Variants in STEAP2 observed in about 807,000 individuals in gnomAD.
STEAP2 encodes metalloreductase STEAP2.
Under a neutral mutation model 46.4 loss-of-function variants are expected in STEAP2, and 30 were observed. That is an observed-to-expected ratio of 0.65 (90% CI 0.48 to 0.88). STEAP2 has a LOEUF of 0.88. Ranked by LOEUF, STEAP2 falls within the 40% of genes least tolerant of loss-of-function variation. The pLI is 0.00. For synonymous variants in STEAP2, 180 were observed against 200.5 expected, an observed-to-expected ratio of 0.90 and a Z score of 0.86; for missense variants, 513 against 579.3, an observed-to-expected ratio of 0.89 and a Z score of 1.18.
chr7:90,219,722 C>T (rs777585561), intron 2 of STEAP2, among the ~76,000 whole-genome samples: 9 of 152,024 alleles, frequency 5.9e-5, no homozygotes, highest in African/African-American at 1.7e-4. Flanking sequence ...CAGACACACA[C>T]GCGCGCACAC....
intron 5 of STEAP2, among the ~76,000 whole-genome samples, chr7:90,231,442 C>T (rs1400124091): frequency 1.3e-5 from 2 of 151,682 alleles, no homozygotes; most frequent in Non-Finnish European, 2.9e-5. Context: ...CAGTAGGGAA[C>T]GTTCTGAGCA....
Position 90,232,359 on chromosome 7 carries a change from T to C in STEAP2, c.1208T>C (p.Leu403Pro). The C allele has an allele frequency of 6.2e-7, 1 of 1,608,568 alleles. No homozygotes were observed. The highest frequency in any genetic ancestry group is 8.5e-7 in the Non-Finnish European group (1 of 1,176,650). Residue 403 changes from leucine to proline, a missense_variant, in exon 6 of 6, where the codon CTG becomes CCG. By Grantham distance (98) the Leu-to-Pro change is moderately conservative (BLOSUM62 -3). Transcript: ENST00000394621. ...AAGTCTACACTTGGATATGTCGCTC[T>C]GCTCATAAGTACTTTCCATGTTTTA... is the stretch of plus-strand genomic sequence containing the variant. ...FIQSTLGYVA[L>P]LISTFHVLIY...
chr7:90,237,603 T>C lies in STEAP2; in HGVS notation c.*4979T>C, dbSNP rs1796004066. Reference sequence around the variant, plus strand: ...TTATAAACATTTAAATAAAAAGTACTATTTAATGATTTAACTTCTGTTTTG... The same window carrying C: ...TTATAAACATTTAAATAAAAAGTACCATTTAATGATTTAACTTCTGTTTTG... On this transcript the variant is annotated 3_prime_UTR_variant, in exon 6 of 6. Coordinates refer to ENST00000394621, the MANE Select transcript of STEAP2 (RefSeq NM_001244944.2). 1 of 154,388 alleles carries C rather than the reference T, an allele frequency of 6.5e-6. No individual in the cohort carries two copies. The highest frequency in any genetic ancestry group is 1.4e-5 in the Non-Finnish European group (1 of 69,358). 9.6% of individuals were successfully genotyped at this position (154,388 alleles called of 1,614,324 possible).
Position 90,233,221 on chromosome 7 carries a change from C to T in STEAP2, c.*597C>T. The T allele has an allele frequency of 1.1e-6, 1 of 947,246 alleles. No homozygotes were observed. The highest frequency in any genetic ancestry group is 1.3e-6 in the Non-Finnish European group (1 of 795,434). The allele number at this position is 947,246 out of a possible 1,614,324, so 58.7% of individuals were successfully genotyped here. On this transcript the variant is annotated 3_prime_UTR_variant, in exon 6 of 6. Transcript: ENST00000394621. ...ACACAAATTAAAAAGACAAATTAAA[C>T]CTGAAATTATATTTAAAATATATTT... is the stretch of plus-strand genomic sequence containing the variant.
intron 1 of STEAP2, chr7:90,213,919 T>C (rs934910604): frequency 6.6e-6 from 1 of 152,264 alleles, no homozygotes; most frequent in Non-Finnish European, 1.5e-5. Flanking sequence ...GTGGACAATA[T>C]ACAGATAAGG....
rs1465296303 is a variant in STEAP2, at chr7:90,234,061, T to C, written c.*1437T>C. On this transcript the variant is annotated 3_prime_UTR_variant, in exon 6 of 6. Transcript: ENST00000394621. ...CCACGGAGTCTTTCAAAAATCTCTG[T>C]AGAGTTAGTCTTCTCCTTTTCTCTT... The C allele has an allele frequency of 1.0e-6, 1 of 985,310 alleles. No homozygotes were observed. Among genetic ancestry groups the C allele is most frequent in the Non-Finnish European group, 1.2e-6 (1 of 829,950 alleles). 61.0% of individuals were successfully genotyped at this position (985,310 alleles called of 1,614,324 possible).
intron 1 of STEAP2, among the ~76,000 whole-genome samples, chr7:90,214,547 C>A (rs1335061257): frequency 6.6e-6 from 1 of 151,968 alleles, no homozygotes; most frequent in Non-Finnish European, 1.5e-5. Context: ...CAACCTTCAC[C>A]AACGTGGATA....
chr7:90,224,945 T>C, intron 2 of STEAP2, 105 bp from the exon 3 acceptor site: 1 of 902,528 alleles, frequency 1.1e-6, no homozygotes. Context: ...TGTTAAAGTG[T>C]GGTGAAATAT....
At chr7:90,219,754 G>A (rs1016251030) in intron 2 of STEAP2, among the ~76,000 whole-genome samples, 2 of 152,124 alleles carry the variant, frequency 1.3e-5, no homozygotes, top group Non-Finnish European at 2.9e-5. Flanking sequence ...AGGAGACAGG[G>A]TCTTGCTCTG....
At chr7:90,228,431 C>A (rs929447628) in intron 4 of STEAP2, among the ~76,000 whole-genome samples, 5 of 151,258 alleles carry the variant, frequency 3.3e-5, no homozygotes, top group Non-Finnish European at 7.4e-5. Flanking sequence ...TAATGGGATA[C>A]TAAGGCTTTT....
Position 90,233,143 on chromosome 7 carries a change from T to A in STEAP2, c.*519T>A. The A allele has an allele frequency of 1.0e-6, 1 of 984,956 alleles. No individual in the cohort carries two copies. The highest frequency in any genetic ancestry group is 1.2e-6 in the Non-Finnish European group (1 of 829,544). The allele number at this position is 984,956 out of a possible 1,614,324, so 61.0% of individuals were successfully genotyped here. ...GCATTCCTATATTTCTCTCATAAAATAGGATTTGAAGGATGAAATTAATTG... is the reference window on the plus strand; with the variant it reads ...GCATTCCTATATTTCTCTCATAAAAAAGGATTTGAAGGATGAAATTAATTG... On this transcript the variant is annotated 3_prime_UTR_variant, in exon 6 of 6. Coordinates refer to ENST00000394621, the MANE Select transcript of STEAP2 (RefSeq NM_001244944.2).
chr7:90,223,934 C>T (rs191060259), intron 2 of STEAP2, among the ~76,000 whole-genome samples: 25 of 152,274 alleles, frequency 1.6e-4, no homozygotes, highest in Non-Finnish European at 3.2e-4. Context: ...AACTTTATAA[C>T]CTCTACCCCA....
intron 2 of STEAP2, among the ~76,000 whole-genome samples, chr7:90,219,927 A>G (rs894664058): frequency 1.3e-5 from 2 of 152,072 alleles, no homozygotes; most frequent in African/African-American, 4.8e-5. Context: ...GGGTCTCATT[A>G]TGTTGCCCAG....
intron 2 of STEAP2, among the ~76,000 whole-genome samples, chr7:90,216,893 C>T (rs533704266): frequency 1.2e-3 from 179 of 152,182 alleles, no homozygotes; most frequent in Non-Finnish European, 2.1e-3. Flanking sequence ...CTTGCCAGGT[C>T]ATTGGAGAAT....
Position 90,234,602 on chromosome 7 carries a change from G to T in STEAP2, c.*1978G>T. 2 of 872,148 alleles carry T rather than the reference G, an allele frequency of 2.3e-6. No individual in the cohort carries two copies. Among genetic ancestry groups the T allele is most frequent in the Non-Finnish European group, 2.7e-6 (2 of 731,528 alleles). 54.0% of individuals were successfully genotyped at this position (872,148 alleles called of 1,614,324 possible). A position where few individuals can be genotyped will look rare whatever the true frequency, so the allele number is the denominator to read the frequency against. On this transcript the variant is annotated 3_prime_UTR_variant, in exon 6 of 6. Coordinates refer to ENST00000394621, the MANE Select transcript of STEAP2 (RefSeq NM_001244944.2). ...GTCTTGCTCTGTCACCCAGGCTGGAGTGCAGTGGCACGATCTCGGCTCACT... is the reference window on the plus strand; with the variant it reads ...GTCTTGCTCTGTCACCCAGGCTGGATTGCAGTGGCACGATCTCGGCTCACT...
rs754816299 is a variant in STEAP2, at chr7:90,225,195, G to A, written c.113G>A (p.Ser38Asn). The change falls in exon 3 of 6, where the codon AGT becomes AAT. Residue 38 changes from serine (S) to asparagine (N), a missense_variant. Transcript: ENST00000394621. Reference protein sequence around the residue: ...ARKVTVGVIGSGDFAKSLTIR... With the variant: ...ARKVTVGVIGNGDFAKSLTIR... ...AAGGTCACTGTAGGTGTGATTGGAA[G>A]TGGAGATTTTGCCAAATCCTTGACC... 7 of 1,614,006 alleles carry A rather than the reference G, an allele frequency of 4.3e-6. No homozygotes were observed. In the Admixed American group the frequency reaches 6.7e-5, roughly 15 times the overall value.
chr7:90,233,628 T>G lies in STEAP2; in HGVS notation c.*1004T>G, dbSNP rs544871607. 107 of 875,936 alleles carry G rather than the reference T, an allele frequency of 1.2e-4. 1 individual carries two copies. The South Asian group carries it at 5.0e-3, about 41-fold the overall frequency. 54.3% of individuals were successfully genotyped at this position (875,936 alleles called of 1,614,324 possible). A position where few individuals can be genotyped will look rare whatever the true frequency, so the allele number is the denominator to read the frequency against. On this transcript the variant is annotated 3_prime_UTR_variant, in exon 6 of 6. Coordinates refer to ENST00000394621, the MANE Select transcript of STEAP2 (RefSeq NM_001244944.2). The stretch of plus-strand genomic sequence containing the variant: ...ACAACCCCGTGAGATAAGTAGTTAT[T>G]ATCCTCATTTTACACATGAGGGACC...
intron 1 of STEAP2, among the ~76,000 whole-genome samples, chr7:90,212,841 A>ACCCCC (rs1794875225): frequency 2.3e-5 from 1 of 42,580 alleles, no homozygotes; most frequent in Non-Finnish European, 4.7e-5. Context: ...CCCACCCCCA[A>ACCCCC]CCTCCTGACT....
chr7:90,239,293 C>T (rs867808331), downstream of STEAP2, among the ~76,000 whole-genome samples: 4 of 152,268 alleles, frequency 2.6e-5, no homozygotes, highest in East Asian at 1.9e-4. Context: ...AGGGAGAAGA[C>T]GGCATGCCAA....
Sources: gnomAD v4.1 joint callset for allele counts (sites outside exome capture counted in the v4.1 genomes callset) on GRCh38, gnomAD v4.1.1 for gene constraint, MANE v1.5 for transcripts, NCBI Gene and HGNC (gene_info 2026-07-23, HGNC 2026-07-21) for gene names.